Variants in POLR3B observed in about 807,000 individuals in gnomAD.
The protein encoded by POLR3B is RNA polymerase III subunit B, also known as DNA-directed RNA polymerase III subunit RPC2.
In POLR3B, 96 loss-of-function variants were observed where a neutral mutation model predicts 147.4. That is an observed-to-expected ratio of 0.65 (90% CI 0.55 to 0.77). The LOEUF is 0.77. POLR3B is among the 30% of genes least tolerant of loss of function. The pLI is 0.00. For synonymous variants in POLR3B, 461 were observed against 485.9 expected (o/e 0.95, Z 0.67); for missense variants, 1,036 against 1,413.5 (o/e 0.73, Z 4.28).
chr12:106,396,866 A>T (rs1022301721), intron 10 of POLR3B, among the ~76,000 whole-genome samples: 6 of 152,080 alleles, frequency 3.9e-5, no homozygotes, highest in African/African-American at 1.4e-4. Context: ...CCCAGGCAGG[A>T]AGATCATTTG....
chr12:106,371,045 G>A (rs2036599917), intron 6 of POLR3B, among the ~76,000 whole-genome samples: 1 of 152,190 alleles, frequency 6.6e-6, no homozygotes, highest in South Asian at 2.1e-4. Context: ...GTGAAGGAAA[G>A]GCAAGAGAGA....
intron 23 of POLR3B, among the ~76,000 whole-genome samples, chr12:106,468,452 C>T (rs1302157287): frequency 1.3e-5 from 2 of 152,156 alleles, no homozygotes; most frequent in Non-Finnish European, 2.9e-5. Context: ...CTATCTCCTT[C>T]AGTTCTGCTC....
Position 106,397,122 on chromosome 12 carries a change from C to CT in POLR3B, c.846+3970dup, listed in dbSNP as rs2036989468. 2.1e-5 allele frequency among the ~76,000 whole-genome samples: 3 copies of CT among 145,148 alleles called. No homozygotes were observed. The South Asian group carries it at 6.5e-4, about 31-fold the overall frequency. ...CCTGGGCAACAGAGTGAGACCCTGT[C>CT]TCAAAAAAAAAAAAAAGCACATTGT... On this transcript the variant is annotated intron_variant, in intron 10 of 27. Coordinates refer to ENST00000228347, the MANE Select transcript of POLR3B (RefSeq NM_018082.6).
intron 6 of POLR3B, among the ~76,000 whole-genome samples, chr12:106,372,775 C>G (rs2036627201): frequency 6.6e-6 from 1 of 152,132 alleles, no homozygotes; most frequent in Non-Finnish European, 1.5e-5. Flanking sequence ...CTCCCTTCGT[C>G]TTCCAATTTT....
intron 23 of POLR3B, among the ~76,000 whole-genome samples, chr12:106,474,703 G>C (rs1197201353): frequency 4.9e-4 from 66 of 134,786 alleles, no homozygotes; most frequent in African/African-American, 1.7e-3. Context: ...TGTGGGATCG[G>C]TGGTGATATC....
At chr12:106,439,240 A>G (rs2037617904) in intron 18 of POLR3B, among the ~76,000 whole-genome samples, 1 of 152,080 alleles carries the variant, frequency 6.6e-6, no homozygotes, top group South Asian at 2.1e-4. Flanking sequence ...AGCTGGACAC[A>G]GTGGCACACA....
intron 23 of POLR3B, among the ~76,000 whole-genome samples, chr12:106,476,111 C>A (rs1233540772): frequency 2.2e-5 from 3 of 138,264 alleles, no homozygotes; most frequent in South Asian, 2.5e-4. Context: ...TATTTTATTT[C>A]TCCTTCACTT....
At chr12:106,396,505 CG>C (rs2036981801) in intron 10 of POLR3B, among the ~76,000 whole-genome samples, 1 of 152,092 alleles carries the variant, frequency 6.6e-6, no homozygotes, top group African/African-American at 2.4e-5. Context: ...AAAAAGATGA[CG>C]GAATTCCCAC....
intron 19 of POLR3B, among the ~76,000 whole-genome samples, chr12:106,449,582 TAAAAG>T (rs1392350865): frequency 6.6e-6 from 1 of 152,180 alleles, no homozygotes; most frequent in African/African-American, 2.4e-5. Flanking sequence ...ATAAGCTAGA[TAAAAG>T]AAAATGTTAT....
At chr12:106,470,354 AC>A (rs913145436) in intron 23 of POLR3B, among the ~76,000 whole-genome samples, 20 of 152,092 alleles carry the variant, frequency 1.3e-4, no homozygotes, top group African/African-American at 4.8e-4. Flanking sequence ...CATTCATCTA[AC>A]CTTTTTTCAA....
chr12:106,402,429 G>A (rs951781164), intron 10 of POLR3B, among the ~76,000 whole-genome samples: 47 of 152,174 alleles, frequency 3.1e-4, no homozygotes, highest in Admixed American at 9.8e-4. Flanking sequence ...CAAGCTACCA[G>A]TGACTTTCTT....
At chr12:106,490,777 G>T (rs1592772308) in intron 23 of POLR3B, among the ~76,000 whole-genome samples, 1 of 152,214 alleles carries the variant, frequency 6.6e-6, no homozygotes, top group Non-Finnish European at 1.5e-5. Context: ...ATGTATAAAG[G>T]CTCATTGAGA....
At chr12:106,481,623 A>G (rs1315219859) in intron 23 of POLR3B, among the ~76,000 whole-genome samples, 3 of 152,206 alleles carry the variant, frequency 2.0e-5, no homozygotes, top group African/African-American at 7.2e-5. Context: ...TCAAAGTTGT[A>G]GAATTATCTC....
Position 106,357,852 on chromosome 12 carries a change from A to G in POLR3B, c.-28A>G. 22 of 1,609,642 alleles carry G rather than the reference A, an allele frequency of 1.4e-5. No homozygotes were observed. The highest frequency in any genetic ancestry group is 1.9e-5 in the Non-Finnish European group (22 of 1,177,996). ...CAGGGAAGGCGGGCGCGGAGGTTCT[A>G]TCTGTTTCTTCCTCCTTCGTGAGCA... On this transcript the variant is annotated 5_prime_UTR_variant, in exon 1 of 28. Transcript: ENST00000228347.
chr12:106,475,852 T>A (rs2038160742), intron 23 of POLR3B, among the ~76,000 whole-genome samples: 1 of 151,410 alleles, frequency 6.6e-6, no homozygotes, highest in East Asian at 1.9e-4. Context: ...AATTGGAGAA[T>A]TTAGTCCATT....
chr12:106,393,994 G>T (rs1034548099), intron 10 of POLR3B, among the ~76,000 whole-genome samples: 1 of 152,080 alleles, frequency 6.6e-6, no homozygotes, highest in African/African-American at 2.4e-5. Flanking sequence ...ACCTATCCAC[G>T]TGTACATTGT....
At chr12:106,448,009 C>T (rs2037745231) in intron 19 of POLR3B, among the ~76,000 whole-genome samples, 1 of 152,152 alleles carries the variant, frequency 6.6e-6, no homozygotes, top group Admixed American at 6.6e-5. Context: ...CAAAGATCCT[C>T]ATAAAATTTT....
At position 106,393,858 on chromosome 12, in the gene POLR3B, G is replaced by A. The variant is rs139053016; in HGVS notation, c.846+705G>A. Among the ~76,000 whole-genome samples the A allele has an allele frequency of 2.9e-3, 443 of 151,798 alleles. 2 individuals are homozygous for A. Among genetic ancestry groups the A allele is most frequent in the African/African-American group, 0.01 (417 of 41,402 alleles). ...TTCCCACATGGAGGGAGCCCCAGCA[G>A]CCATACTTAGGATTTTAGTCCCATA... On this transcript the variant is annotated intron_variant, in intron 10 of 27. Coordinates refer to ENST00000228347, the MANE Select transcript of POLR3B (RefSeq NM_018082.6).
chr12:106,468,059 T>G (rs1402125438), intron 23 of POLR3B, among the ~76,000 whole-genome samples: 1 of 152,238 alleles, frequency 6.6e-6, no homozygotes, highest in Non-Finnish European at 1.5e-5. Flanking sequence ...CTGGTAGAAT[T>G]TGGCTGTGAA....
Sources: allele counts gnomAD v4.1 joint callset (sites outside exome capture counted in the v4.1 genomes callset), GRCh38; gene constraint gnomAD v4.1.1; transcripts MANE v1.5; gene names NCBI Gene and HGNC (gene_info 2026-07-23, HGNC 2026-07-21).